The following CLEC2A variants were observed in gnomAD, a reference collection of about 807,000 sequenced individuals.
CLEC2A encodes the protein C-type lectin domain family 2 member A, also known as keratinocyte-associated C-type lectin.
CLEC2A carries 19 observed loss-of-function variants against 18.6 expected under a neutral mutation model. The observed-to-expected ratio is 1.02, with a 90% CI of 0.71 to 1.50. The LOEUF (loss-of-function observed/expected upper bound fraction) is 1.50. Ranked by LOEUF, CLEC2A falls within the 40% of genes most tolerant of loss-of-function variation. CLEC2A has a pLI of 0.00. For missense variants in CLEC2A, 190 were observed against 207.9 expected (o/e 0.91, Z 0.53); for synonymous variants, 74 against 64.0 (o/e 1.16, Z -0.75).
the CLEC2A span, among the ~76,000 whole-genome samples, chr12:9,886,815 T>G: frequency 2.1e-5 from 3 of 143,348 alleles, no homozygotes; most frequent in East Asian, 6.1e-4. Context: ...GTGAGATATA[T>G]AGATAGAGCC....
At chr12:9,905,628 TTGGTTAGG>T (rs1390953301) in intron 4 of CLEC2A, among the ~76,000 whole-genome samples, 1 of 152,118 alleles carries the variant, frequency 6.6e-6, no homozygotes, top group African/African-American at 2.4e-5. Flanking sequence ...TAGGACTAAT[TTGGTTAGG>T]TGGTTCTTCG....
downstream of CLEC2A, among the ~76,000 whole-genome samples, chr12:9,908,519 C>T (rs1168748023): frequency 6.6e-6 from 1 of 152,104 alleles, no homozygotes; most frequent in Non-Finnish European, 1.5e-5. Flanking sequence ...GAGCGGGCTG[C>T]TCCTGAATCT....
chr12:9,929,673 T>C (rs998137535), intron 1 of CLEC2A, among the ~76,000 whole-genome samples: 1 of 152,130 alleles, frequency 6.6e-6, no homozygotes, highest in African/African-American at 2.4e-5. Flanking sequence ...TTCTTGGAAT[T>C]TCTACTTCTA....
the CLEC2A span, among the ~76,000 whole-genome samples, chr12:9,891,657 C>T: frequency 6.6e-6 from 1 of 152,076 alleles, no homozygotes; most frequent in Non-Finnish European, 1.5e-5. Context: ...ATTTAGTTAT[C>T]CTGAATCTTT....
At chr12:9,905,908 T>C (rs1862899902) in intron 4 of CLEC2A, among the ~76,000 whole-genome samples, 1 of 152,340 alleles carries the variant, frequency 6.6e-6, no homozygotes, top group South Asian at 2.1e-4. Flanking sequence ...CTAATAGGTA[T>C]TTCAGGCAAC....
chr12:9,901,272 G>A (rs1862825484), intron 4 of CLEC2A, among the ~76,000 whole-genome samples: 1 of 152,128 alleles, frequency 6.6e-6, no homozygotes, highest in African/African-American at 2.4e-5. Flanking sequence ...GTATTTAAGA[G>A]CACTTGTCAA....
At chr12:9,920,973 T>A (rs1863162690) in intron 3 of CLEC2A, among the ~76,000 whole-genome samples, 1 of 152,206 alleles carries the variant, frequency 6.6e-6, no homozygotes, top group Admixed American at 6.5e-5. Context: ...GACATTTAGA[T>A]ACATAAACAG....
At chr12:9,888,986 G>A in the CLEC2A span, among the ~76,000 whole-genome samples, 1 of 151,934 alleles carries the variant, frequency 6.6e-6, no homozygotes, top group Non-Finnish European at 1.5e-5. Context: ...ATTTCTAGGA[G>A]GAAAAAAAAT....
intron 3 of CLEC2A, 33 bp from the exon 4 acceptor site, chr12:9,916,836 TA>T (rs1365978566): frequency 1.5e-6 from 2 of 1,304,192 alleles, no homozygotes; most frequent in Non-Finnish European, 2.2e-6. Flanking sequence ...AGCGATTACT[TA>T]ATATGTTACA....
downstream of CLEC2A, among the ~76,000 whole-genome samples, chr12:9,909,537 C>T (rs113302291): frequency 1.5e-3 from 235 of 152,246 alleles, no homozygotes; most frequent in African/African-American, 5.4e-3. Context: ...CATCTCACAG[C>T]GGCTTGAGTT....
intron 1 of CLEC2A, among the ~76,000 whole-genome samples, chr12:9,927,415 T>C (rs543457518): frequency 2.3e-4 from 35 of 152,346 alleles, no homozygotes; most frequent in African/African-American, 8.4e-4. Context: ...AACATTGTTC[T>C]ATGGTGCATG....
intron 4 of CLEC2A, among the ~76,000 whole-genome samples, chr12:9,907,955 A>C (rs1024594538): frequency 1.3e-5 from 2 of 152,210 alleles, no homozygotes; most frequent in African/African-American, 2.4e-5. Context: ...CAAAAGGATA[A>C]GTCATCTGGA....
downstream of CLEC2A, among the ~76,000 whole-genome samples, chr12:9,898,469 G>A: frequency 6.6e-6 from 1 of 152,148 alleles, no homozygotes; most frequent in Non-Finnish European, 1.5e-5. Flanking sequence ...GGAGACAGGT[G>A]TGAAACTTTA....
At chr12:9,916,554 G>T (rs1863073784) in intron 4 of CLEC2A, 146 bp downstream of exon 4, 1 of 602,738 alleles carries the variant, frequency 1.7e-6, no homozygotes, top group African/African-American at 1.8e-5. Context: ...CAATGTGAAA[G>T]GGCATATGTC....
the CLEC2A span, among the ~76,000 whole-genome samples, chr12:9,885,984 G>C: frequency 6.6e-6 from 1 of 151,996 alleles, no homozygotes; most frequent in African/African-American, 2.4e-5. Flanking sequence ...TTTCTTGTTA[G>C]ACACTGAGTA....
intron 4 of CLEC2A, among the ~76,000 whole-genome samples, chr12:9,906,117 T>C (rs114775894): frequency 1.5e-3 from 228 of 151,296 alleles, no homozygotes; most frequent in African/African-American, 5.4e-3. Flanking sequence ...GTGTCACACA[T>C]AGTTTGGGGT....
At position 9,932,349 on chromosome 12, in the gene CLEC2A, G is replaced by A. The variant is rs1218491632; in HGVS notation, c.-20C>T. On this transcript the variant is annotated 5_prime_UTR_variant, in exon 1 of 5. Coordinates refer to ENST00000455827, the MANE Select transcript of CLEC2A (RefSeq NM_001130711.2). Reference sequence around the variant, plus strand: ...AATCATGGCAAGGCGCTAACCGATGGAGATCAGTAGGAGAGGACTAGAAAG... The same window carrying A: ...AATCATGGCAAGGCGCTAACCGATGAAGATCAGTAGGAGAGGACTAGAAAG... 2 of 1,551,646 alleles carry A rather than the reference G, an allele frequency of 1.3e-6. No individual in the cohort carries two copies. The highest frequency in any genetic ancestry group is 1.7e-6 in the Non-Finnish European group (2 of 1,146,836).
chr12:9,910,485 G>A (rs1862968399), downstream of CLEC2A, among the ~76,000 whole-genome samples: 1 of 152,062 alleles, frequency 6.6e-6, no homozygotes, highest in Non-Finnish European at 1.5e-5. Context: ...CTGTGTGTGA[G>A]TCTCAATCTC....
intron 4 of CLEC2A, among the ~76,000 whole-genome samples, chr12:9,914,040 G>A (rs1205278287): frequency 2.0e-5 from 3 of 152,044 alleles, no homozygotes; most frequent in Non-Finnish European, 2.9e-5. Context: ...CAAAGAGAGA[G>A]TGTTTGCCAA....
Sources: gnomAD v4.1 joint callset for allele counts (sites outside exome capture counted in the v4.1 genomes callset) on GRCh38, gnomAD v4.1.1 for gene constraint, MANE v1.5 for transcripts, NCBI Gene and HGNC (gene_info 2026-07-23, HGNC 2026-07-21) for gene names.